GIGYF2: variants seen among roughly 807,000 people sequenced by gnomAD.
The protein encoded by GIGYF2 is GRB10 interacting GYF protein 2.
In GIGYF2, 25 loss-of-function variants were observed where a neutral mutation model predicts 208.1. The ratio of observed to expected loss-of-function variants is 0.12; its 90% CI spans 0.09 to 0.17. The LOEUF (loss-of-function observed/expected upper bound fraction) is 0.17, where lower values mean the gene tolerates loss of function less well. Among genes scored for constraint, GIGYF2 ranks in the 10% least tolerant of loss-of-function variants. GIGYF2 has a pLI of 1.00. For synonymous variants in GIGYF2, 534 were observed against 543.8 expected (o/e 0.98, Z 0.25); for missense variants, 1,302 against 1,579.4 (o/e 0.82, Z 2.98).
intron 12 of GIGYF2, 54 bp downstream of exon 12, chr2:232,791,500 A>G (rs953968024): frequency 1.8e-5 from 26 of 1,471,096 alleles, no homozygotes; most frequent in Non-Finnish European, 2.4e-5. Context: ...GAGGCCAGTG[A>G]TCACTGATAA....
intron 3 of GIGYF2, among the ~76,000 whole-genome samples, chr2:232,744,328 T>A (rs964252105): frequency 1.3e-5 from 2 of 152,166 alleles, no homozygotes; most frequent in African/African-American, 4.8e-5. Flanking sequence ...ACATGGTGAT[T>A]ATTTGCCAAT....
chr2:232,752,775 C>T (rs1269659344), intron 5 of GIGYF2, among the ~76,000 whole-genome samples: 4 of 152,070 alleles, frequency 2.6e-5, no homozygotes, highest in African/African-American at 9.7e-5. Flanking sequence ...CTCCTGACCT[C>T]GTGATCTGCC....
chr2:232,818,568 C>G (rs1700982590), intron 20 of GIGYF2, among the ~76,000 whole-genome samples: 1 of 152,028 alleles, frequency 6.6e-6, no homozygotes, highest in Admixed American at 6.6e-5. Flanking sequence ...GCATCTATGT[C>G]AAAAATCAAT....
At chr2:232,762,438 A>T (rs1321518441) in intron 8 of GIGYF2, among the ~76,000 whole-genome samples, 1 of 151,580 alleles carries the variant, frequency 6.6e-6, no homozygotes, top group Non-Finnish European at 1.5e-5. Context: ...TTTTTAGTTG[A>T]GATGGGGTTT....
Position 232,715,915 on chromosome 2 carries a change from G to A in GIGYF2, c.-44+12426G>A, listed in dbSNP as rs535927819. On this transcript the variant is annotated intron_variant, in intron 2 of 28. Transcript: ENST00000373563. ...TGACATTTATGTTGGGACTGTAAAA[G>A]TATTTCAACAGGCCAGGCCTATGCT... Among the ~76,000 whole-genome samples, 11 of 150,638 alleles carry A rather than the reference G, an allele frequency of 7.3e-5. No homozygotes were observed. The East Asian group carries it at 1.4e-3, about 19-fold the overall frequency.
At chr2:232,723,947 T>TGGTC (rs1334480091) in intron 2 of GIGYF2, among the ~76,000 whole-genome samples, 1 of 150,618 alleles carries the variant, frequency 6.6e-6, no homozygotes, top group Non-Finnish European at 1.5e-5. Context: ...CATGTTAGGC[T>TGGTC]GGTCTCGAAT....
intron 8 of GIGYF2, among the ~76,000 whole-genome samples, chr2:232,772,220 A>G (rs932412456): frequency 6.6e-6 from 1 of 152,114 alleles, no homozygotes; most frequent in African/African-American, 2.4e-5. Flanking sequence ...GGTCTTATTT[A>G]GAGTTTTATG....
rs188313476 is a variant in GIGYF2, at chr2:232,787,592, G to A, written c.712+263G>A. 2.7e-3 allele frequency among the ~76,000 whole-genome samples: 410 copies of A among 152,278 alleles called. 4 individuals carry two copies. Among genetic ancestry groups the A allele is most frequent in the African/African-American group, 9.6e-3 (400 of 41,562 alleles). ...AGCACCTGCGCTCAACTGCAGAAATGAGGGTTTCATTCAGTTTTGTCTACC... is the reference window on the plus strand; with the variant it reads ...AGCACCTGCGCTCAACTGCAGAAATAAGGGTTTCATTCAGTTTTGTCTACC... On this transcript the variant is annotated intron_variant, in intron 9 of 28. Transcript: ENST00000373563.
At position 232,738,896 on chromosome 2, in the gene GIGYF2, C is replaced by T. The variant is rs190855090; in HGVS notation, c.41+3658C>T. On this transcript the variant is annotated intron_variant, in intron 3 of 28. Coordinates refer to ENST00000373563, the MANE Select transcript of GIGYF2 (RefSeq NM_001103146.3). The stretch of plus-strand genomic sequence containing the variant: ...ATTTTATGAATTGAATTGTCATCTC[C>T]TGTGTGTTTGCTCTTGACAAAACAC... Among the ~76,000 whole-genome samples, 393 of 152,304 alleles carry T rather than the reference C, an allele frequency of 2.6e-3. 2 individuals are homozygous for T. The highest frequency in any genetic ancestry group is 4.4e-3 in the Non-Finnish European group (302 of 68,024).
intron 2 of GIGYF2, among the ~76,000 whole-genome samples, chr2:232,709,545 T>C (rs1559373960): frequency 6.6e-6 from 1 of 152,130 alleles, no homozygotes; most frequent in Non-Finnish European, 1.5e-5. Context: ...GCGCGGTGGC[T>C]CTTGCCTGTA....
rs755665299 is a variant in GIGYF2 at position 232,817,018 on chromosome 2, G to T, written c.2356G>T (p.Ala786Ser). Reference sequence around the variant, plus strand: ...GAAAAGGCGAGAGGAAGAAGAACTTGCCCGAAGGAAACAGGTATGTATCTG... The same window carrying T: ...GAAAAGGCGAGAGGAAGAAGAACTTTCCCGAAGGAAACAGGTATGTATCTG... Reference protein sequence around the residue: ...ERKRREEEELARRKQEEALRR... With the variant: ...ERKRREEEELSRRKQEEALRR... Residue 786 changes from alanine (A) to serine (S), a missense_variant, in exon 20 of 29, where the codon GCC (alanine) becomes TCC (serine). Physicochemically the swap from Ala to Ser is moderately conservative, Grantham distance 99. Coordinates refer to ENST00000373563, the MANE Select transcript of GIGYF2 (RefSeq NM_001103146.3). 2.5e-6 allele frequency: 4 copies of T among 1,612,998 alleles called. No homozygotes were observed. The highest frequency in any genetic ancestry group is 3.3e-5 in the Admixed American group (2 of 60,002).
chr2:232,785,421 C>G (rs555185413), intron 8 of GIGYF2, among the ~76,000 whole-genome samples: 1 of 152,290 alleles, frequency 6.6e-6, no homozygotes, highest in South Asian at 2.1e-4. Context: ...CAGACTCACT[C>G]ATGTTTCTGG....
intron 3 of GIGYF2, chr2:232,735,513 C>A: frequency 2.9e-6 from 1 of 347,080 alleles, no homozygotes. Context: ...TTATTTGAGT[C>A]GTTGTCTAGG....
At position 232,847,462 on chromosome 2, in the gene GIGYF2, T is replaced by C. The variant is rs1387557886; in HGVS notation, c.3575T>C (p.Leu1192Pro). Residue 1192 changes from leucine to proline, a missense_variant, in exon 27 of 29, where the codon CTT (leucine) becomes CCT (proline). This residue lies in a region of GIGYF2 where 701 missense variants were observed against 793.0 expected (regional missense o/e 0.88). Transcript: ENST00000373563. Reference sequence around the variant, plus strand: ...GCCAAGGAGTTTGCCAAGCAGTTCCTTGAGCGCCGTGCCAAACAGAAAGCC... The same window carrying C: ...GCCAAGGAGTTTGCCAAGCAGTTCCCTGAGCGCCGTGCCAAACAGAAAGCC... The part of the protein sequence containing the change: ...SEAKEFAKQF[L>P]ERRAKQKANQ... 5 of 1,613,918 alleles carry C rather than the reference T, an allele frequency of 3.1e-6. No individual in the cohort carries two copies. Among genetic ancestry groups the C allele is most frequent in the Non-Finnish European group, 4.2e-6 (5 of 1,179,968 alleles).
chr2:232,787,004 A>G (rs1699933454), intron 8 of GIGYF2, 146 bp from the exon 9 acceptor site: 3 of 670,832 alleles, frequency 4.5e-6, no homozygotes, highest in East Asian at 5.5e-5. Flanking sequence ...TAATATATAC[A>G]TATACCCACT....
chr2:232,764,685 G>C (rs1280114575), intron 8 of GIGYF2: 2 of 152,188 alleles, frequency 1.3e-5, no homozygotes, highest in Admixed American at 1.3e-4. Context: ...CAAGGGGGCA[G>C]GTATTGGACA....
intron 5 of GIGYF2, among the ~76,000 whole-genome samples, chr2:232,752,112 C>G (rs1406976400): frequency 2.6e-5 from 4 of 152,020 alleles, no homozygotes; most frequent in Non-Finnish European, 5.9e-5. Flanking sequence ...TTAAAATGCA[C>G]CATTTGGGAT....
At chr2:232,749,478 A>G (rs1181515349) in intron 5 of GIGYF2, among the ~76,000 whole-genome samples, 2 of 152,098 alleles carry the variant, frequency 1.3e-5, no homozygotes, top group African/African-American at 4.8e-5. Flanking sequence ...AATGCATTCA[A>G]AACTCTTCTG....
In GIGYF2 at chr2:232,799,768, G is replaced by A. The variant is rs1700336535; in HGVS notation, c.1639+3547G>A. 2.0e-5 allele frequency among the ~76,000 whole-genome samples: 3 copies of A among 151,974 alleles called. No individual in the cohort carries two copies. In the South Asian group the frequency reaches 6.2e-4, roughly 32 times the overall value. ...ACATTCTCAAAAACAGTCCACAAGG[G>A]TTTTAATTTCACCAAATTCTCTCCA... is the stretch of plus-strand genomic sequence containing the variant. On this transcript the variant is annotated intron_variant, in intron 14 of 28. Transcript: ENST00000373563.
Sources: allele counts gnomAD v4.1 joint callset (sites outside exome capture counted in the v4.1 genomes callset), GRCh38; gene constraint gnomAD v4.1.1; regional missense constraint gnomAD v4.1.1; transcripts MANE v1.5; gene names NCBI Gene and HGNC (gene_info 2026-07-23, HGNC 2026-07-21).